Variants in REST observed in about 807,000 individuals in gnomAD.
The protein encoded by REST is RE1-silencing transcription factor.
REST carries 1 observed loss-of-function variant against 30.4 expected under a neutral mutation model. That is an observed-to-expected ratio of 0.03 (90% confidence interval 0.01 to 0.16). The LOEUF is 0.16. Ranked by LOEUF, REST falls within the 10% of genes least tolerant of loss-of-function variation. The pLI, the probability that REST is intolerant of heterozygous loss-of-function variation, is 1.00. For missense variants in REST, 1,259 were observed against 1,329.5 expected, an observed-to-expected ratio of 0.95 and a Z score of 0.82; for synonymous variants, 504 against 451.1, an observed-to-expected ratio of 1.12 and a Z score of -1.49.
Position 56,930,337 on chromosome 4 carries a change from A to G in REST, c.1479A>G (p.Arg493=), listed in dbSNP as rs1487928306. 9.3e-6 allele frequency: 15 copies of G among 1,614,160 alleles called. No homozygotes were observed. In the East Asian group the frequency reaches 3.3e-4, roughly 36 times the overall value. The change falls in exon 4 of 4, where the codon CGA becomes CGG. Residue 493 remains arginine (R), a synonymous_variant. Transcript: ENST00000309042. ...VSVIQVTTRT[R]KSVTEVKEMD... ...TGATCCAGGTGACTACCAGAACTCG[A>G]AAATCAGTAACAGAGGTGAAAGAGA... is the stretch of plus-strand genomic sequence containing the variant.
At chr4:56,922,178 C>T (rs953703441) in intron 3 of REST, among the ~76,000 whole-genome samples, 1 of 151,788 alleles carries the variant, frequency 6.6e-6, no homozygotes, top group African/African-American at 2.4e-5. Flanking sequence ...TGGTTTCATT[C>T]TCTGATGGTA....
At chr4:56,928,141 CTT>C (rs1211900370) in intron 3 of REST, among the ~76,000 whole-genome samples, 1 of 152,138 alleles carries the variant, frequency 6.6e-6, no homozygotes, top group Admixed American at 6.5e-5. Flanking sequence ...AAGTTTCGCT[CTT>C]GTCGCCCAGG....
In REST at chr4:56,933,136, G is replaced by C. The variant is rs956722211; in HGVS notation, c.*984G>C. 10 of 151,846 alleles carry C rather than the reference G, an allele frequency of 6.6e-5. No individual in the cohort carries two copies. Among genetic ancestry groups the C allele is most frequent in the Non-Finnish European group, 1.5e-4 (10 of 67,970 alleles). 9.4% of individuals were successfully genotyped at this position (151,846 alleles called of 1,614,324 possible). ...TAGTAAATTCACAGCTATCAGTTTT[G>C]ATTTTGCAATAAATAAACCACTAGG... On this transcript the variant is annotated 3_prime_UTR_variant, in exon 4 of 4. Transcript: ENST00000309042.
chr4:56,920,584 G>A (rs1720402557), intron 3 of REST, among the ~76,000 whole-genome samples: 1 of 151,866 alleles, frequency 6.6e-6, no homozygotes, highest in Admixed American at 6.6e-5. Flanking sequence ...CCAACATGGA[G>A]AAATCCTGTC....
At chr4:56,913,711 C>T (rs1014009618) in intron 2 of REST, among the ~76,000 whole-genome samples, 6 of 152,094 alleles carry the variant, frequency 3.9e-5, no homozygotes, top group East Asian at 1.9e-4. Flanking sequence ...TGCAGTGACG[C>T]GATCTCGGCT....
At chr4:56,925,900 C>CATT (rs2109561900) in intron 3 of REST, among the ~76,000 whole-genome samples, 1 of 152,258 alleles carries the variant, frequency 6.6e-6, no homozygotes, top group South Asian at 2.1e-4. Context: ...TTGATGGATG[C>CATT]ATGCTTGCTC....
In REST at chr4:56,911,013, T is replaced by C. The variant is rs770225600; in HGVS notation, c.375T>C (p.Phe125=). 5.6e-6 allele frequency: 9 copies of C among 1,614,220 alleles called. No homozygotes were observed. Among genetic ancestry groups the C allele is most frequent in the Non-Finnish European group, 7.6e-6 (9 of 1,180,046 alleles). The part of the protein sequence containing the change: ...ELSVVEPQPV[F]EASGAPDIYS... ...GCGTCGTAGAACCTCAGCCTGTATT[T>C]GAGGCATCAGGTGCTCCAGATATTT... Residue 125 remains phenylalanine, a synonymous_variant, in exon 2 of 4, where the codon TTT becomes TTC. Transcript: ENST00000309042.
At chr4:56,912,441 G>A (rs956564387) in intron 2 of REST, among the ~76,000 whole-genome samples, 1 of 149,640 alleles carries the variant, frequency 6.7e-6, no homozygotes, top group Non-Finnish European at 1.5e-5. Flanking sequence ...CAGGGTTCAA[G>A]TGATTATCTT....
At position 56,930,964 on chromosome 4, in the gene REST, G is replaced by C. The variant is rs532829640; in HGVS notation, c.2106G>C (p.Gly702=). The change falls in exon 4 of 4, where the codon GGG becomes GGC. Residue 702 remains glycine (G), a synonymous_variant. Transcript: ENST00000309042. ...CTCAGACGGAGGTTGCCCAAATGGG[G>C]CCTGCTCCCATGGAACCTGCTCAGA... ...ETAQTEVAQM[G]PAPMEPAQME... The C allele has an allele frequency of 6.2e-7, 1 of 1,614,002 alleles. No homozygotes were observed. The highest frequency in any genetic ancestry group is 1.3e-5 in the African/African-American group (1 of 75,058).
rs1720900054 is a variant in REST at position 56,930,273 on chromosome 4, A to G, written c.1415A>G (p.Asp472Gly). 6.2e-7 allele frequency: 1 copy of G among 1,612,860 alleles called. No homozygotes were observed. The highest frequency in any genetic ancestry group is 8.5e-7 in the Non-Finnish European group (1 of 1,179,818). ...AAGTCCGTCAAAGCAGAGAAAAGAG[A>G]TGTCTCAAAAGAGAAAAAGCCTTCT... The part of the protein sequence containing the change: ...NEKSVKAEKR[D>G]VSKEKKPSNN... Residue 472 changes from aspartate (D) to glycine (G), a missense_variant, in exon 4 of 4, where the codon GAT becomes GGT. Asp to Gly is a moderately conservative substitution (Grantham distance 94). This residue lies in a region of REST where 856 missense variants were observed against 772.8 expected (regional missense o/e 1.11). Transcript: ENST00000309042.
chr4:56,911,957 C>T (rs1719941964), intron 2 of REST, among the ~76,000 whole-genome samples: 2 of 151,388 alleles, frequency 1.3e-5, no homozygotes, highest in African/African-American at 4.9e-5. Flanking sequence ...ACCCCCGTCT[C>T]AAAAAGAAAA....
rs1468338773 is a variant in REST at position 56,930,612 on chromosome 4, AAAAT to A, written c.1759_1762del (p.Lys587GlnfsTer129). The A allele has an allele frequency of 1.2e-6, 2 of 1,612,912 alleles. No individual in the cohort carries two copies. The highest frequency in any genetic ancestry group is 1.7e-6 in the Non-Finnish European group (2 of 1,179,886). The stretch of plus-strand genomic sequence containing the variant: ...AAAAGTACAAAGAAGAAAACTCTGA[AAAAT>A]AAATCAAGTAAGAAAAGCAGTAAGC... On this transcript the variant is annotated frameshift_variant, in exon 4 of 4. Transcript: ENST00000309042. LOFTEE classifies it low-confidence loss of function (END_TRUNC).
rs561183528 is a variant in REST, at chr4:56,926,083, G to A, written c.983-3758G>A. Among the ~76,000 whole-genome samples the A allele has an allele frequency of 3.0e-4, 46 of 152,284 alleles. No individual in the cohort carries two copies. The Middle Eastern group carries it at 0.01, about 34-fold the overall frequency. On this transcript the variant is annotated intron_variant, in intron 3 of 3. Coordinates refer to ENST00000309042, the MANE Select transcript of REST (RefSeq NM_005612.5). ...CCTTGATTGATCGATTGATTGAGATGGAGTCTCACCCTGTCGTCCAGGCTG... is the reference window on the plus strand; with the variant it reads ...CCTTGATTGATCGATTGATTGAGATAGAGTCTCACCCTGTCGTCCAGGCTG...
At chr4:56,925,491 G>A (rs1720659606) in intron 3 of REST, among the ~76,000 whole-genome samples, 1 of 152,066 alleles carries the variant, frequency 6.6e-6, no homozygotes, top group South Asian at 2.1e-4. Context: ...TAGGATTACG[G>A]GTGTGAACCA....
At position 56,908,653 on chromosome 4, in the gene REST, C is replaced by T. The variant is rs201885462; in HGVS notation, c.-10+440C>T. On this transcript the variant is annotated intron_variant, in intron 1 of 3. Transcript: ENST00000309042. The stretch of plus-strand genomic sequence containing the variant: ...GCCCTCCTGGCCCCCTCCCCCAGGG[C>T]CTCTCCCTGTCGCCGGAAGGCGCCG... Among the ~76,000 whole-genome samples, 465 of 152,212 alleles carry T rather than the reference C, an allele frequency of 3.1e-3. 1 individual carries two copies. The highest frequency in any genetic ancestry group is 0.011 in the African/African-American group (444 of 41,558).
chr4:56,919,019 T>C (rs1720330838), intron 2 of REST, among the ~76,000 whole-genome samples: 1 of 150,128 alleles, frequency 6.7e-6, no homozygotes. Context: ...GAAGTCTCAC[T>C]CAGCCTCCCG....
In REST at chr4:56,932,211, A is replaced by G. The variant is rs571466291; in HGVS notation, c.*59A>G. The G allele has an allele frequency of 9.4e-6, 14 of 1,496,408 alleles. No homozygotes were observed. The African/African-American group carries it at 2.0e-4, about 21-fold the overall frequency. The allele number at this position is 1,496,408 out of a possible 1,614,324, so 92.7% of individuals were successfully genotyped here. On this transcript the variant is annotated 3_prime_UTR_variant, in exon 4 of 4. Coordinates refer to ENST00000309042, the MANE Select transcript of REST (RefSeq NM_005612.5). Reference sequence around the variant, plus strand: ...GTAAGGTATATTACATTTTATATTCATTTATGATAGCAGACAACCTTTTAA... The same window carrying G: ...GTAAGGTATATTACATTTTATATTCGTTTATGATAGCAGACAACCTTTTAA...
intron 2 of REST, among the ~76,000 whole-genome samples, chr4:56,916,780 A>G (rs1480791844): frequency 1.3e-5 from 2 of 152,246 alleles, no homozygotes; most frequent in East Asian, 3.8e-4. Flanking sequence ...TGAATATTTC[A>G]CACAAGTGGA....
chr4:56,908,121 C>T lies in REST; in HGVS notation c.-102C>T, dbSNP rs1719703658. ...AGCACCCAACTTTACCACCCTCCCCCACCTCTCCCCCGAAACTCCAGCAAC... is the reference window on the plus strand; with the variant it reads ...AGCACCCAACTTTACCACCCTCCCCTACCTCTCCCCCGAAACTCCAGCAAC... On this transcript the variant is annotated 5_prime_UTR_variant, in exon 1 of 4. Coordinates refer to ENST00000309042, the MANE Select transcript of REST (RefSeq NM_005612.5). 1 of 293,474 alleles carries T rather than the reference C, an allele frequency of 3.4e-6. No individual in the cohort carries two copies. The highest frequency in any genetic ancestry group is 6.3e-6 in the Non-Finnish European group (1 of 157,558). The allele number at this position is 293,474 out of a possible 1,614,324, so 18.2% of individuals were successfully genotyped here.
Sources: gnomAD v4.1 joint callset for allele counts (sites outside exome capture counted in the v4.1 genomes callset) on GRCh38, gnomAD v4.1.1 for gene constraint, gnomAD v4.1.1 regional missense constraint, MANE v1.5 for transcripts, NCBI Gene and HGNC (gene_info 2026-07-23, HGNC 2026-07-21) for gene names.